Variants in PMF1 observed in about 807,000 individuals in gnomAD.
PMF1 encodes polyamine modulated factor 1.
PMF1 carries 21 observed loss-of-function variants against 26.7 expected under a neutral mutation model. The ratio of observed to expected loss-of-function variants is 0.79; its 90% CI spans 0.56 to 1.13. The LOEUF (loss-of-function observed/expected upper bound fraction) is 1.13, where lower values mean the gene tolerates loss of function less well. PMF1 is among the 50% of genes most tolerant of loss of function. The pLI is 0.00. For missense variants in PMF1, 266 were observed against 254.9 expected, an observed-to-expected ratio of 1.04 and a Z score of -0.30; for synonymous variants, 105 against 101.0, an observed-to-expected ratio of 1.04 and a Z score of -0.24.
chr1:156,227,273 G>A (rs549717872), intron 1 of PMF1, among the ~76,000 whole-genome samples: 2 of 152,100 alleles, frequency 1.3e-5, no homozygotes, highest in South Asian at 4.1e-4. Flanking sequence ...GAAGGCCGAG[G>A]TGGGTGGATC....
At chr1:156,234,862 C>T (rs2842873) in intron 3 of PMF1, among the ~76,000 whole-genome samples, 67,764 of 151,664 alleles carry the variant, frequency 0.45, 16,497 homozygotes, top group African/African-American at 0.66. Flanking sequence ...AGACCAAATA[C>T]CTGCTCTCCT....
intron 1 of PMF1, among the ~76,000 whole-genome samples, chr1:156,218,287 A>G (rs1301940573): frequency 6.6e-6 from 1 of 152,204 alleles, no homozygotes; most frequent in African/African-American, 2.4e-5. Flanking sequence ...TTGGGTGATA[A>G]CTTTGTTGAT....
chr1:156,229,583 T>G (rs1658580092), intron 1 of PMF1, among the ~76,000 whole-genome samples: 1 of 151,810 alleles, frequency 6.6e-6, no homozygotes, highest in African/African-American at 2.4e-5. Context: ...TTTGTTTTTT[T>G]TTTTGAGATG....
At chr1:156,231,274 TAG>T (rs1207611263) in intron 1 of PMF1, among the ~76,000 whole-genome samples, 33 of 147,076 alleles carry the variant, frequency 2.2e-4, no homozygotes, top group African/African-American at 8.3e-4. Context: ...TGTGCACCTG[TAG>T]TCCTAGCTAC....
rs986748393 is a variant in PMF1 at position 156,219,517 on chromosome 1, G to A, written c.161+6341G>A. 4.6e-5 allele frequency among the ~76,000 whole-genome samples: 7 copies of A among 152,162 alleles called. No homozygotes were observed. The East Asian group carries it at 1.3e-3, about 29-fold the overall frequency. On this transcript the variant is annotated intron_variant, in intron 1 of 4. Coordinates refer to ENST00000368277, the MANE Select transcript of PMF1 (RefSeq NM_007221.4). ...CACCGATCTGCCTGTCTCTGCCAGT[G>A]CATGTGGGTTGTTAAAACCAGGCCC...
intron 1 of PMF1, among the ~76,000 whole-genome samples, chr1:156,229,631 C>T (rs1268284152): frequency 1.3e-5 from 2 of 151,122 alleles, no homozygotes; most frequent in Non-Finnish European, 2.9e-5. Flanking sequence ...AGTGCAATGG[C>T]GTGATCTCAG....
chr1:156,233,756 G>C (rs773939345), intron 3 of PMF1, 28 bp downstream of exon 3: 2 of 1,579,046 alleles, frequency 1.3e-6, no homozygotes, highest in African/African-American at 1.4e-5. Context: ...AGGTGAGAAG[G>C]TACAGGAAAG....
chr1:156,218,045 C>T (rs988143141), intron 1 of PMF1, among the ~76,000 whole-genome samples: 1 of 152,176 alleles, frequency 6.6e-6, no homozygotes, highest in Non-Finnish European at 1.5e-5. Flanking sequence ...GGGTTTTTTA[C>T]CATTCTAATA....
intron 1 of PMF1, among the ~76,000 whole-genome samples, chr1:156,231,216 C>CA (rs71080753): frequency 0.016 from 791 of 48,294 alleles, 30 homozygotes; most frequent in East Asian, 0.055. Flanking sequence ...GACTCCATCT[C>CA]AAAAAAAAAA....
intron 1 of PMF1, among the ~76,000 whole-genome samples, chr1:156,230,809 C>G (rs892585794): frequency 2.0e-5 from 3 of 152,136 alleles, no homozygotes; most frequent in Non-Finnish European, 4.4e-5. Flanking sequence ...CCCCTAGACT[C>G]CCAGCACTTT....
chr1:156,227,501 TTTA>T (rs757906378), intron 1 of PMF1, among the ~76,000 whole-genome samples: 4 of 92,808 alleles, frequency 4.3e-5, no homozygotes, highest in Non-Finnish European at 9.6e-5. Context: ...TTTATTTTAT[TTTA>T]TTTTTTTTTT....
intron 3 of PMF1, among the ~76,000 whole-genome samples, chr1:156,234,987 C>T (rs1658922502): frequency 6.6e-6 from 1 of 152,104 alleles, no homozygotes; most frequent in Non-Finnish European, 1.5e-5. Flanking sequence ...GCAGCTGAGC[C>T]CCTGCCTCCT....
intron 1 of PMF1, among the ~76,000 whole-genome samples, chr1:156,224,747 G>C (rs1198771843): frequency 6.6e-6 from 1 of 151,622 alleles, no homozygotes; most frequent in Non-Finnish European, 1.5e-5. Flanking sequence ...CTGGGCGACA[G>C]AGTGAGACTC....
At chr1:156,213,797 C>G (rs1250166941) in intron 1 of PMF1, among the ~76,000 whole-genome samples, 4 of 152,218 alleles carry the variant, frequency 2.6e-5, no homozygotes, top group African/African-American at 9.6e-5. Context: ...CAGGACCTGA[C>G]ACATAGAAAG....
chr1:156,220,227 G>A (rs913224926), intron 1 of PMF1, among the ~76,000 whole-genome samples: 6 of 151,842 alleles, frequency 4.0e-5, no homozygotes, highest in African/African-American at 1.2e-4. Context: ...GCCTCCCAAA[G>A]TGCTGGGATT....
intron 4 of PMF1, among the ~76,000 whole-genome samples, chr1:156,238,487 A>G (rs1268141964): frequency 6.6e-6 from 1 of 152,206 alleles, no homozygotes; most frequent in Non-Finnish European, 1.5e-5. Context: ...AGATTTTCCT[A>G]TGGGCTCAAA....
At chr1:156,232,245 C>A in intron 1 of PMF1, 75 bp from the exon 2 acceptor site, 1 of 1,327,860 alleles carries the variant, frequency 7.5e-7, no homozygotes, top group African/African-American at 1.4e-5. Flanking sequence ...TAATGCGAAG[C>A]GGAGGTACCC....
chr1:156,231,943 T>C (rs1418988346), intron 1 of PMF1, among the ~76,000 whole-genome samples: 1 of 152,174 alleles, frequency 6.6e-6, no homozygotes, highest in Non-Finnish European at 1.5e-5. Flanking sequence ...ACATGCCCTG[T>C]CCTAATCCAA....
At chr1:156,214,113 A>G (rs1003341361) in intron 1 of PMF1, among the ~76,000 whole-genome samples, 42 of 152,048 alleles carry the variant, frequency 2.8e-4, no homozygotes, top group African/African-American at 8.7e-4. Flanking sequence ...ACGAGGTTTC[A>G]CCATGTTGGC....
Sources: allele counts gnomAD v4.1 joint callset (sites outside exome capture counted in the v4.1 genomes callset), GRCh38; gene constraint gnomAD v4.1.1; transcripts MANE v1.5; gene names NCBI Gene and HGNC (gene_info 2026-07-23, HGNC 2026-07-21).